HECW1: variants seen among roughly 807,000 people sequenced by gnomAD.
HECW1 encodes HECT, C2 and WW domain containing E3 ubiquitin protein ligase 1.
HECW1 carries 61 observed loss-of-function variants against 182.3 expected under a neutral mutation model. The ratio of observed to expected loss-of-function variants is 0.33; its 90% confidence interval spans 0.27 to 0.41. The LOEUF (loss-of-function observed/expected upper bound fraction) is 0.41. Ranked by LOEUF, HECW1 falls within the 10% of genes least tolerant of loss-of-function variation. HECW1 has a pLI of 1.00. For synonymous variants in HECW1, 859 were observed against 832.6 expected (o/e 1.03, Z -0.55); for missense variants, 1,739 against 2,108.9 (o/e 0.82, Z 3.44).
intron 11 of HECW1, among the ~76,000 whole-genome samples, chr7:43,449,664 G>A (rs180813991): frequency 4.6e-5 from 7 of 152,290 alleles, no homozygotes; most frequent in East Asian, 1.9e-4. Context: ...TGACCCAAGG[G>A]ATAATGGAAC....
At chr7:43,261,450 C>T (rs1801171378) in intron 3 of HECW1, among the ~76,000 whole-genome samples, 1 of 152,118 alleles carries the variant, frequency 6.6e-6, no homozygotes, top group South Asian at 2.1e-4. Context: ...ATGTTTGCTG[C>T]CCCCTAGTGG....
At chr7:43,247,865 G>GA (rs1362453749) in intron 3 of HECW1, among the ~76,000 whole-genome samples, 7 of 110,224 alleles carry the variant, frequency 6.4e-5, no homozygotes, top group African/African-American at 1.2e-4. Context: ...AGGAAAGAAA[G>GA]AAGAAAGCAA....
At chr7:43,493,026 C>G in intron 18 of HECW1, 58 bp from the exon 19 acceptor site, 19 of 1,181,964 alleles carry the variant, frequency 1.6e-5, no homozygotes, top group Non-Finnish European at 2.4e-5. Context: ...TTCCAATCAT[C>G]AGAGTGATTA....
intron 3 of HECW1, among the ~76,000 whole-genome samples, chr7:43,297,950 G>A (rs894055457): frequency 3.9e-5 from 6 of 152,088 alleles, no homozygotes; most frequent in African/African-American, 1.2e-4. Context: ...AGTACATGAC[G>A]GTGGTCCCAA....
At chr7:43,505,090 C>T (rs926323825) in intron 21 of HECW1, among the ~76,000 whole-genome samples, 2 of 152,182 alleles carry the variant, frequency 1.3e-5, no homozygotes, top group East Asian at 3.8e-4. Context: ...TCATCCTCCC[C>T]TTCTATCATC....
intron 3 of HECW1, among the ~76,000 whole-genome samples, chr7:43,261,018 A>C (rs1017406884): frequency 6.6e-6 from 1 of 152,216 alleles, no homozygotes; most frequent in Non-Finnish European, 1.5e-5. Context: ...GAAATTAATT[A>C]ACTTGCCCAA....
chr7:43,474,318 G>A (rs1187359277), intron 16 of HECW1, among the ~76,000 whole-genome samples: 8 of 152,026 alleles, frequency 5.3e-5, no homozygotes, highest in Non-Finnish European at 1.0e-4. Context: ...GCATGGTGGC[G>A]GGTGCCTGTA....
intron 19 of HECW1, among the ~76,000 whole-genome samples, chr7:43,496,463 G>A (rs903259870): frequency 6.6e-6 from 1 of 152,086 alleles, no homozygotes; most frequent in Non-Finnish European, 1.5e-5. Context: ...TGTTCTTCAG[G>A]AGGTCAAGCT....
chr7:43,313,069 G>A (rs1243798275), intron 4 of HECW1, among the ~76,000 whole-genome samples: 15 of 152,132 alleles, frequency 9.9e-5, no homozygotes, highest in Admixed American at 9.8e-4. Context: ...AAAATAAAAG[G>A]GATCTTAGCT....
At chr7:43,159,437 A>G (rs563545498) in intron 2 of HECW1, among the ~76,000 whole-genome samples, 6 of 150,608 alleles carry the variant, frequency 4.0e-5, no homozygotes, top group Admixed American at 1.3e-4. Flanking sequence ...TCTCATATGC[A>G]AATAACTCTG....
At chr7:43,334,317 T>C (rs1811856706) in intron 5 of HECW1, among the ~76,000 whole-genome samples, 1 of 152,196 alleles carries the variant, frequency 6.6e-6, no homozygotes, top group Admixed American at 6.5e-5. Context: ...CATTGTCCAC[T>C]CCAGCTTTCA....
rs570287952 is a variant in HECW1, at chr7:43,453,753, A to G, written c.2501-2544A>G. On this transcript the variant is annotated intron_variant, in intron 12 of 29. Transcript: ENST00000395891. ...TCACAAATGAATTGACCTGACCTGCACTGCTATAACTTGCCCCAGAATCGT... is the reference window on the plus strand; with the variant it reads ...TCACAAATGAATTGACCTGACCTGCGCTGCTATAACTTGCCCCAGAATCGT... Among the ~76,000 whole-genome samples, 300 of 152,330 alleles carry G rather than the reference A, an allele frequency of 2.0e-3. 1 individual carries two copies. Among genetic ancestry groups the G allele is most frequent in the Non-Finnish European group, 3.2e-3 (220 of 68,036 alleles).
At chr7:43,245,963 C>T (rs1267228983) in intron 3 of HECW1, among the ~76,000 whole-genome samples, 1 of 152,100 alleles carries the variant, frequency 6.6e-6, no homozygotes, top group Non-Finnish European at 1.5e-5. Flanking sequence ...TTCCCTACAC[C>T]TTCCCCTAAT....
At chr7:43,277,525 G>C (rs550692218) in intron 3 of HECW1, among the ~76,000 whole-genome samples, 1 of 152,100 alleles carries the variant, frequency 6.6e-6, no homozygotes, top group African/African-American at 2.4e-5. Context: ...TGTATTCTCC[G>C]CCATGACTGG....
intron 3 of HECW1, chr7:43,274,154 A>G (rs1009295477): frequency 2.2e-5 from 9 of 416,778 alleles, no homozygotes; most frequent in East Asian, 2.2e-4. Context: ...CACGGAAAGG[A>G]CGCCATGAAG....
At chr7:43,386,558 C>A (rs985231738) in intron 6 of HECW1, among the ~76,000 whole-genome samples, 12 of 152,190 alleles carry the variant, frequency 7.9e-5, no homozygotes, top group Middle Eastern at 3.2e-3. Flanking sequence ...AACACTTGCC[C>A]CTAGATCCAG....
intron 17 of HECW1, among the ~76,000 whole-genome samples, chr7:43,482,907 C>A (rs546383740): frequency 5.9e-5 from 9 of 151,910 alleles, no homozygotes; most frequent in African/African-American, 1.9e-4. Flanking sequence ...TCTGTCTCAA[C>A]AAAACAAAAC....
At chr7:43,175,406 C>T (rs1206106384) in intron 2 of HECW1, among the ~76,000 whole-genome samples, 3 of 152,122 alleles carry the variant, frequency 2.0e-5, no homozygotes. Context: ...ACATCTTTTC[C>T]ATCTCTTATT....
chr7:43,534,826 A>C (rs974265166), intron 24 of HECW1, among the ~76,000 whole-genome samples: 3 of 152,214 alleles, frequency 2.0e-5, no homozygotes, highest in Non-Finnish European at 4.4e-5. Context: ...CTGTCAGCCC[A>C]ATCCACGTTT....
Sources: gnomAD v4.1 joint callset for allele counts (sites outside exome capture counted in the v4.1 genomes callset) on GRCh38, gnomAD v4.1.1 for gene constraint, MANE v1.5 for transcripts, NCBI Gene and HGNC (gene_info 2026-07-23, HGNC 2026-07-21) for gene names.